SRGAP1: variants seen among roughly 807,000 people sequenced by gnomAD.
The protein encoded by SRGAP1 is SLIT-ROBO Rho GTPase activating protein 1.
Under a neutral mutation model 121.9 loss-of-function variants are expected in SRGAP1, and 43 were observed. The ratio of observed to expected loss-of-function variants is 0.35; its 90% CI spans 0.28 to 0.46. The LOEUF is 0.46. Among genes scored for constraint, SRGAP1 ranks in the 20% least tolerant of loss-of-function variants. The probability of loss-of-function intolerance (pLI) is 1.00; values close to 1 mark genes in which losing one functional copy is unlikely to be tolerated. For missense variants in SRGAP1, 1,102 were observed against 1,350.9 expected (o/e 0.82, Z 2.89); for synonymous variants, 447 against 485.4 (o/e 0.92, Z 1.04).
intron 12 of SRGAP1, among the ~76,000 whole-genome samples, chr12:64,093,032 A>G (rs1424456782): frequency 6.6e-6 from 1 of 152,186 alleles, no homozygotes; most frequent in Admixed American, 6.5e-5. Flanking sequence ...AATAGAAACA[A>G]TACAGAGGGC....
At chr12:63,857,472 C>G (rs940450128) in intron 1 of SRGAP1, among the ~76,000 whole-genome samples, 3 of 152,032 alleles carry the variant, frequency 2.0e-5, no homozygotes, top group Non-Finnish European at 4.4e-5. Flanking sequence ...ACCTCCGCCT[C>G]CCATGTTTAA....
intron 1 of SRGAP1, chr12:63,878,977 G>T (rs542423471): frequency 1.3e-5 from 2 of 152,188 alleles, no homozygotes; most frequent in South Asian, 2.1e-4. Flanking sequence ...AAGGCTAAAT[G>T]ATTTTTGAAA....
At chr12:63,855,326 G>A (rs1353655940) in intron 1 of SRGAP1, among the ~76,000 whole-genome samples, 2 of 152,024 alleles carry the variant, frequency 1.3e-5, no homozygotes, top group Non-Finnish European at 1.5e-5. Context: ...TAACCAGTGG[G>A]AACTTAGTTA....
chr12:63,987,142 C>T (rs2033440083), intron 2 of SRGAP1, among the ~76,000 whole-genome samples: 2 of 152,160 alleles, frequency 1.3e-5, no homozygotes, highest in South Asian at 4.1e-4. Flanking sequence ...TGATAACCAG[C>T]CCAGGATATG....
intron 6 of SRGAP1, among the ~76,000 whole-genome samples, chr12:64,058,981 A>C (rs1342540831): frequency 6.6e-6 from 1 of 152,182 alleles, no homozygotes; most frequent in African/African-American, 2.4e-5. Flanking sequence ...GTGATCTTAT[A>C]GACTGACAAG....
chr12:63,903,968 T>C (rs2030069149), intron 1 of SRGAP1, among the ~76,000 whole-genome samples: 1 of 152,116 alleles, frequency 6.6e-6, no homozygotes, highest in Admixed American at 6.6e-5. Context: ...ATACACATAA[T>C]GAATATTTTA....
chr12:63,906,947 C>G (rs1490533994), intron 1 of SRGAP1, among the ~76,000 whole-genome samples: 2 of 151,700 alleles, frequency 1.3e-5, no homozygotes, highest in African/African-American at 4.8e-5. Flanking sequence ...GTGACCACAA[C>G]TCTGTTTAGC....
rs141440978 is a variant in SRGAP1, at chr12:63,858,313, G to A, written c.67+13430G>A. Among the ~76,000 whole-genome samples, 346 of 151,302 alleles carry A rather than the reference G, an allele frequency of 2.3e-3. 1 individual carries two copies. Among genetic ancestry groups the A allele is most frequent in the African/African-American group, 8.0e-3 (330 of 41,204 alleles). On this transcript the variant is annotated intron_variant, in intron 1 of 21. Coordinates refer to ENST00000355086, the MANE Select transcript of SRGAP1 (RefSeq NM_020762.4). Reference sequence around the variant, plus strand: ...TATGATTTTACTTTTTAATAATGTCGCTGTCTATGTTTTTTTTTTGGAGGG... The same window carrying A: ...TATGATTTTACTTTTTAATAATGTCACTGTCTATGTTTTTTTTTTGGAGGG...
At chr12:63,966,207 G>A (rs1200501155) in intron 1 of SRGAP1, among the ~76,000 whole-genome samples, 1 of 152,242 alleles carries the variant, frequency 6.6e-6, no homozygotes, top group Non-Finnish European at 1.5e-5. Context: ...TCTTGGGAAT[G>A]TGGGAAGATG....
intron 1 of SRGAP1, among the ~76,000 whole-genome samples, chr12:63,929,804 CA>C (rs2031403734): frequency 6.6e-6 from 1 of 151,886 alleles, no homozygotes; most frequent in South Asian, 2.1e-4. Context: ...AACTATAATT[CA>C]AAACAAAGTT....
At chr12:63,923,563 C>T (rs373937814) in intron 1 of SRGAP1, among the ~76,000 whole-genome samples, 1 of 152,154 alleles carries the variant, frequency 6.6e-6, no homozygotes, top group Non-Finnish European at 1.5e-5. Flanking sequence ...TATTCTGTCT[C>T]TCTAATCAAA....
chr12:64,041,012 T>C (rs1049800292), intron 4 of SRGAP1, among the ~76,000 whole-genome samples: 1 of 152,180 alleles, frequency 6.6e-6, no homozygotes, highest in Non-Finnish European at 1.5e-5. Flanking sequence ...TCTGTAAATT[T>C]TAATACATTA....
At chr12:64,011,587 C>T (rs938022103) in intron 3 of SRGAP1, among the ~76,000 whole-genome samples, 2 of 152,004 alleles carry the variant, frequency 1.3e-5, no homozygotes, top group African/African-American at 2.4e-5. Context: ...GTGCTTAAAA[C>T]ATATTGGTGA....
chr12:63,988,795 AAAAC>A (rs1377315948), intron 2 of SRGAP1, among the ~76,000 whole-genome samples: 6 of 152,192 alleles, frequency 3.9e-5, no homozygotes, highest in South Asian at 2.1e-4. Flanking sequence ...TTTTAAAGAA[AAAAC>A]AAACAAAAAA....
At chr12:64,124,599 G>T (rs1394383613) in intron 18 of SRGAP1, among the ~76,000 whole-genome samples, 1 of 152,198 alleles carries the variant, frequency 6.6e-6, no homozygotes, top group Non-Finnish European at 1.5e-5. Context: ...GTATTTGTGG[G>T]AGAGGGGAGC....
intron 1 of SRGAP1, among the ~76,000 whole-genome samples, chr12:63,870,023 G>T (rs765677377): frequency 5.9e-5 from 9 of 152,146 alleles, no homozygotes; most frequent in Non-Finnish European, 1.0e-4. Context: ...GAACCATCCT[G>T]CAGGGCTACA....
At chr12:63,972,457 A>G (rs2032979897) in intron 1 of SRGAP1, among the ~76,000 whole-genome samples, 1 of 152,242 alleles carries the variant, frequency 6.6e-6, no homozygotes, top group African/African-American at 2.4e-5. Context: ...AAAAGAAGTC[A>G]TAATGCAGTG....
intron 1 of SRGAP1, among the ~76,000 whole-genome samples, chr12:63,952,136 C>T (rs1240160441): frequency 1.3e-5 from 2 of 152,018 alleles, no homozygotes; most frequent in Non-Finnish European, 2.9e-5. Flanking sequence ...TGTACACTCA[C>T]CCCCCTCCCC....
intron 8 of SRGAP1, among the ~76,000 whole-genome samples, chr12:64,074,016 A>G (rs2035690398): frequency 6.6e-6 from 1 of 152,158 alleles, no homozygotes; most frequent in Admixed American, 6.5e-5. Flanking sequence ...TCTGAAGAAC[A>G]TTATATATTT....
Sources: gnomAD v4.1 joint callset for allele counts (sites outside exome capture counted in the v4.1 genomes callset) on GRCh38, gnomAD v4.1.1 for gene constraint, MANE v1.5 for transcripts, NCBI Gene and HGNC (gene_info 2026-07-23, HGNC 2026-07-21) for gene names.